MYLK4: variants seen among roughly 807,000 people sequenced by gnomAD.
MYLK4 encodes caMLCK like.
Under a neutral mutation model 48.1 loss-of-function variants are expected in MYLK4, and 46 were observed. That is an observed-to-expected ratio of 0.96 (90% CI 0.75 to 1.22). MYLK4 has a LOEUF of 1.22. Among genes scored for constraint, MYLK4 ranks in the 50% most tolerant of loss-of-function variants. The pLI is 0.00. For missense variants in MYLK4, 451 were observed against 486.1 expected (o/e 0.93, Z 0.68); for synonymous variants, 170 against 180.8 (o/e 0.94, Z 0.48).
chr6:2,764,645 T>A, the MYLK4 span, among the ~76,000 whole-genome samples: 3 of 152,206 alleles, frequency 2.0e-5, no homozygotes, highest in Admixed American at 6.5e-5. Context: ...TTTCTATCCG[T>A]CTAGGACGTA....
the MYLK4 span, chr6:2,766,109 CAGG>C: frequency 1.2e-4 from 153 of 1,317,234 alleles, no homozygotes; most frequent in South Asian, 5.9e-4. Context: ...GGCGGAGGCG[CAGG>C]AGGAGGAGGA....
intron 2 of MYLK4, among the ~76,000 whole-genome samples, chr6:2,709,092 G>C (rs1030292887): frequency 6.6e-6 from 1 of 152,008 alleles, no homozygotes; most frequent in African/African-American, 2.4e-5. Flanking sequence ...ACCCTCTATC[G>C]GTCATCTCAT....
At chr6:2,690,623 G>A (rs1258669988) in intron 3 of MYLK4, among the ~76,000 whole-genome samples, 3 of 152,030 alleles carry the variant, frequency 2.0e-5, no homozygotes, top group Non-Finnish European at 4.4e-5. Flanking sequence ...TCCCCATCAA[G>A]TCTATGGGTG....
chr6:2,734,303 G>T (rs1377290403), intron 2 of MYLK4, among the ~76,000 whole-genome samples: 3 of 152,154 alleles, frequency 2.0e-5, no homozygotes, highest in African/African-American at 7.2e-5. Flanking sequence ...CCATGCTGCG[G>T]TCTGTCAGCG....
chr6:2,735,615 G>C (rs1763643346), intron 2 of MYLK4, among the ~76,000 whole-genome samples: 1 of 152,142 alleles, frequency 6.6e-6, no homozygotes, highest in South Asian at 2.1e-4. Flanking sequence ...GATCCCCATG[G>C]GGACGGAGCT....
Position 2,679,268 on chromosome 6 carries a change from AG to A in MYLK4, c.887+11del. ...GTTGGAGAAGGGTCAGAGACAGAGG[AG>A]AGCTACTCACAGCATATAGGCGATG... On this transcript the variant is annotated intron_variant, in intron 9 of 12. Transcript: ENST00000274643. The A allele has an allele frequency of 6.2e-7, 1 of 1,614,014 alleles. No homozygotes were observed. The highest frequency in any genetic ancestry group is 1.6e-4 in the Middle Eastern group (1 of 6,062).
intron 2 of MYLK4, among the ~76,000 whole-genome samples, chr6:2,711,785 T>C (rs1400558020): frequency 6.6e-6 from 1 of 152,140 alleles, no homozygotes; most frequent in Non-Finnish European, 1.5e-5. Context: ...AATGCTAAAG[T>C]TGGGTATCTT....
chr6:2,734,147 A>C (rs1763573375), intron 2 of MYLK4, among the ~76,000 whole-genome samples: 1 of 152,162 alleles, frequency 6.6e-6, no homozygotes, highest in South Asian at 2.1e-4. Flanking sequence ...ACACGTACTC[A>C]TGTCTGCAAA....
At chr6:2,763,540 G>A in the MYLK4 span, among the ~76,000 whole-genome samples, 1 of 152,338 alleles carries the variant, frequency 6.6e-6, no homozygotes, top group African/African-American at 2.4e-5. Context: ...GTCCTGGGCC[G>A]GTGGTGCAGG....
intron 2 of MYLK4, among the ~76,000 whole-genome samples, chr6:2,727,926 G>A (rs1026377139): frequency 1.1e-4 from 16 of 141,022 alleles, no homozygotes; most frequent in Admixed American, 2.9e-4. Context: ...CAGCCTGGGC[G>A]ACTGAGCAGG....
chr6:2,703,175 A>G (rs545446692), intron 2 of MYLK4, among the ~76,000 whole-genome samples: 4 of 152,188 alleles, frequency 2.6e-5, no homozygotes, highest in Non-Finnish European at 5.9e-5. Context: ...ACCCTGGTCC[A>G]ATGCAGTACA....
the MYLK4 span, among the ~76,000 whole-genome samples, chr6:2,760,536 A>G: frequency 1.3e-5 from 2 of 152,204 alleles, no homozygotes; most frequent in African/African-American, 4.8e-5. Context: ...AACCTTAGGG[A>G]GCCACTAGGA....
intron 2 of MYLK4, among the ~76,000 whole-genome samples, chr6:2,719,377 C>T (rs1234613407): frequency 2.0e-5 from 3 of 152,206 alleles, no homozygotes; most frequent in Admixed American, 2.0e-4. Flanking sequence ...CCCCCCAACA[C>T]ATGCACACAA....
At chr6:2,682,574 A>C (rs1761351737) in intron 7 of MYLK4, among the ~76,000 whole-genome samples, 1 of 152,076 alleles carries the variant, frequency 6.6e-6, no homozygotes, top group South Asian at 2.1e-4. Context: ...CCCACAGAAA[A>C]ACAAGTCCCA....
At chr6:2,706,825 G>C (rs1762504983) in intron 2 of MYLK4, among the ~76,000 whole-genome samples, 1 of 152,146 alleles carries the variant, frequency 6.6e-6, no homozygotes, top group Non-Finnish European at 1.5e-5. Flanking sequence ...GTAAATCAAT[G>C]CCTACGACGA....
chr6:2,752,898 T>A (rs957574713), upstream of MYLK4, among the ~76,000 whole-genome samples: 1 of 152,200 alleles, frequency 6.6e-6, no homozygotes, highest in Admixed American at 6.5e-5. Flanking sequence ...CAGCTTCCGA[T>A]GGCATACAGG....
chr6:2,764,280 T>C, the MYLK4 span, among the ~76,000 whole-genome samples: 5 of 152,104 alleles, frequency 3.3e-5, no homozygotes, highest in Non-Finnish European at 5.9e-5. Context: ...CAGCCAGGCG[T>C]GGTGGCTCAG....
intron 2 of MYLK4, among the ~76,000 whole-genome samples, chr6:2,731,264 A>C (rs547376486): frequency 1.2e-4 from 19 of 152,222 alleles, no homozygotes; most frequent in Admixed American, 1.2e-3. Flanking sequence ...TGACAAAAAA[A>C]ATGGTTGGAA....
chr6:2,719,581 GT>G (rs1344814910), intron 2 of MYLK4, among the ~76,000 whole-genome samples: 2 of 152,058 alleles, frequency 1.3e-5, no homozygotes. Context: ...TTGTGCCTCT[GT>G]TTGGTGATTT....
Sources: gnomAD v4.1 joint callset for allele counts (sites outside exome capture counted in the v4.1 genomes callset) on GRCh38, gnomAD v4.1.1 for gene constraint, MANE v1.5 for transcripts, NCBI Gene and HGNC (gene_info 2026-07-23, HGNC 2026-07-21) for gene names.